The following EYS variants were observed in gnomAD, a reference collection of about 807,000 sequenced individuals.
The protein encoded by EYS is protein eyes shut homolog.
In EYS, 250 loss-of-function variants were observed where a neutral mutation model predicts 282.1. The observed-to-expected ratio is 0.89, with a 90% CI of 0.80 to 0.98. The LOEUF (loss-of-function observed/expected upper bound fraction) is 0.98, where lower values mean the gene tolerates loss of function less well. Ranked by LOEUF, EYS falls within the 50% of genes least tolerant of loss-of-function variation. The pLI, the probability that EYS is intolerant of heterozygous loss-of-function variation, is 0.00. For missense variants in EYS, 4,016 were observed against 3,709.0 expected (o/e 1.08, Z -2.15); for synonymous variants, 1,355 against 1,282.9 (o/e 1.06, Z -1.20).
chr6:64,378,025 CAAA>C (rs1772619932), intron 29 of EYS: 1 of 151,850 alleles, frequency 6.6e-6, no homozygotes, highest in African/African-American at 2.4e-5. Context: ...AACAAACAAA[CAAA>C]AAAAGCTACA....
intron 11 of EYS, among the ~76,000 whole-genome samples, chr6:65,314,563 T>G (rs1265220830): frequency 1.7e-3 from 31 of 18,144 alleles, no homozygotes; most frequent in Non-Finnish European, 3.7e-3. Flanking sequence ...CCCCTTATGG[T>G]GTGTGTGTGT....
chr6:63,976,196 A>G (rs114585925), intron 35 of EYS, among the ~76,000 whole-genome samples: 2,017 of 152,166 alleles, frequency 0.013, 41 homozygotes, highest in African/African-American at 0.045. Flanking sequence ...GTGGTGACCA[A>G]ATGTAAAGGG....
chr6:64,342,661 C>T (rs1004111121), intron 29 of EYS, among the ~76,000 whole-genome samples: 14 of 151,936 alleles, frequency 9.2e-5, no homozygotes, highest in African/African-American at 2.2e-4. Context: ...CATCAACTAA[C>T]GAGCAAAATA....
intron 12 of EYS, among the ~76,000 whole-genome samples, chr6:65,080,183 G>A (rs990060608): frequency 1.3e-5 from 2 of 152,038 alleles, no homozygotes; most frequent in Non-Finnish European, 2.9e-5. Flanking sequence ...TCAGAACAGG[G>A]TGAGGGAAGG....
chr6:65,649,953 G>A (rs1382972192), intron 1 of EYS, among the ~76,000 whole-genome samples: 2 of 152,092 alleles, frequency 1.3e-5, no homozygotes, highest in African/African-American at 4.8e-5. Context: ...TAAAATATTA[G>A]TTAAATATAC....
chr6:63,873,633 A>G (rs144254635), intron 35 of EYS, among the ~76,000 whole-genome samples: 2 of 152,092 alleles, frequency 1.3e-5, no homozygotes, highest in South Asian at 2.1e-4. Context: ...GTGTAAAAGT[A>G]TTCCTATTTC....
chr6:64,889,083 A>G (rs925184096), intron 18 of EYS, among the ~76,000 whole-genome samples: 2 of 151,942 alleles, frequency 1.3e-5, no homozygotes, highest in Non-Finnish European at 2.9e-5. Flanking sequence ...ATTTGGTGAT[A>G]TCTTGCTTTT....
chr6:65,656,012 T>C (rs1382075123), intron 1 of EYS, among the ~76,000 whole-genome samples: 2 of 151,828 alleles, frequency 1.3e-5, no homozygotes, highest in East Asian at 3.9e-4. Context: ...ATTTCAGACG[T>C]TTTCATTATT....
intron 10 of EYS, among the ~76,000 whole-genome samples, chr6:65,341,356 A>C (rs1005172463): frequency 6.6e-6 from 1 of 151,190 alleles, no homozygotes. Context: ...ATACCTGGAC[A>C]CCACACATTC....
intron 30 of EYS, among the ~76,000 whole-genome samples, chr6:64,247,064 CATTT>C (rs1174692549): frequency 6.6e-6 from 1 of 151,798 alleles, no homozygotes; most frequent in East Asian, 1.9e-4. Flanking sequence ...CAAATGGAAA[CATTT>C]ATTATATTAA....
chr6:63,952,337 C>T (rs549514993), intron 35 of EYS, among the ~76,000 whole-genome samples: 66 of 152,118 alleles, frequency 4.3e-4, no homozygotes, highest in African/African-American at 7.0e-4. Flanking sequence ...AAGGCCTTCT[C>T]GGCTTAGCAA....
In EYS at chr6:64,708,623, A is replaced by G. The variant is rs562852768; in HGVS notation, c.3444-82378T>C. On this transcript the variant is annotated intron_variant, in intron 22 of 42. Coordinates refer to ENST00000503581, the MANE Select transcript of EYS (RefSeq NM_001142800.2). ...ATGACAGATTTGTTAGCTATTTGGG[A>G]AAAAAAAAGTCTCCCTCAAGGGCAA... Among the ~76,000 whole-genome samples the G allele has an allele frequency of 7.3e-5, 11 of 151,510 alleles. No homozygotes were observed. The South Asian group carries it at 1.3e-3, about 17-fold the overall frequency.
chr6:64,360,844 C>G (rs951138577), intron 29 of EYS, among the ~76,000 whole-genome samples: 1 of 151,650 alleles, frequency 6.6e-6, no homozygotes, highest in African/African-American at 2.4e-5. Context: ...TAAAGAAAGA[C>G]AGATTTTAAG....
intron 12 of EYS, among the ~76,000 whole-genome samples, chr6:65,293,671 A>G (rs964059546): frequency 1.3e-5 from 2 of 151,838 alleles, no homozygotes; most frequent in Non-Finnish European, 1.5e-5. Flanking sequence ...TCAGCAGTGT[A>G]AGGATCACCC....
chr6:63,937,345 CTTTTTTTTTTTT>C (rs778809745), intron 35 of EYS, among the ~76,000 whole-genome samples: 2 of 54,470 alleles, frequency 3.7e-5, no homozygotes, highest in Admixed American at 4.5e-4. Flanking sequence ...TCTCTCTTTT[CTTTTTTTTTTTT>C]TTTTTTTTTT....
intron 31 of EYS, among the ~76,000 whole-genome samples, chr6:64,097,906 T>TA (rs575515986): frequency 6.6e-6 from 1 of 152,184 alleles, no homozygotes; most frequent in Non-Finnish European, 1.5e-5. Flanking sequence ...AAAATGTTTA[T>TA]AAAAAGTGAA....
intron 28 of EYS, among the ~76,000 whole-genome samples, chr6:64,402,704 A>G (rs1303653855): frequency 6.6e-6 from 1 of 152,234 alleles, no homozygotes; most frequent in African/African-American, 2.4e-5. Flanking sequence ...TTTGAATTCA[A>G]TATTAAAAAT....
chr6:64,078,973 A>G (rs1771865922), intron 32 of EYS, among the ~76,000 whole-genome samples: 1 of 152,032 alleles, frequency 6.6e-6, no homozygotes, highest in African/African-American at 2.4e-5. Flanking sequence ...TTTAACTATG[A>G]GCTGTTTTTA....
rs1316367148 is a variant in EYS, at chr6:64,436,136, CT to C, written c.5927+37del. 1.7e-5 allele frequency: 21 copies of C among 1,270,892 alleles called. No homozygotes were observed. In the East Asian group the frequency reaches 5.1e-4, roughly 31 times the overall value. 78.7% of individuals were successfully genotyped at this position (1,270,892 alleles called of 1,614,324 possible). On this transcript the variant is annotated intron_variant, in intron 28 of 42. Transcript: ENST00000503581. ...ATATTGTTAGGGATAGCCTTTGCTA[CT>C]TAATGAGATTAACTGGAAAAGAAAT... is the stretch of plus-strand genomic sequence containing the variant.
Sources: gnomAD v4.1 joint callset for allele counts (sites outside exome capture counted in the v4.1 genomes callset) on GRCh38, gnomAD v4.1.1 for gene constraint, MANE v1.5 for transcripts, NCBI Gene and HGNC (gene_info 2026-07-23, HGNC 2026-07-21) for gene names.